MACROD2: variants seen among roughly 807,000 people sequenced by gnomAD.
The protein encoded by MACROD2 is ADP-ribose glycohydrolase MACROD2.
MACROD2 carries 36 observed loss-of-function variants against 70.4 expected under a neutral mutation model. That is an observed-to-expected ratio of 0.51 (90% CI 0.39 to 0.68). The LOEUF (loss-of-function observed/expected upper bound fraction) is 0.68. MACROD2 is among the 30% of genes least tolerant of loss of function. The probability of loss-of-function intolerance (pLI) is 0.00; values close to 1 mark genes in which losing one functional copy is unlikely to be tolerated. For synonymous variants in MACROD2, 172 were observed against 178.8 expected (o/e 0.96, Z 0.30); for missense variants, 496 against 538.4 (o/e 0.92, Z 0.78).
intron 5 of MACROD2, among the ~76,000 whole-genome samples, chr20:15,094,854 T>A (rs539704850): frequency 6.6e-6 from 1 of 152,244 alleles, no homozygotes; most frequent in Admixed American, 6.5e-5. Flanking sequence ...TTTGTGAAAT[T>A]AACATAGGGA....
chr20:14,908,327 C>A (rs984699923), intron 5 of MACROD2, among the ~76,000 whole-genome samples: 7 of 151,016 alleles, frequency 4.6e-5, no homozygotes, highest in Middle Eastern at 3.6e-3. Context: ...GGTGACCGAG[C>A]AAGACTCTAT....
intron 5 of MACROD2, among the ~76,000 whole-genome samples, chr20:14,918,578 A>G (rs1332159064): frequency 6.7e-6 from 1 of 149,006 alleles, no homozygotes; most frequent in Non-Finnish European, 1.5e-5. Context: ...ATCTGCAATC[A>G]TATCACATTA....
At chr20:15,880,249 G>A (rs1024151408) in intron 9 of MACROD2, among the ~76,000 whole-genome samples, 1 of 152,066 alleles carries the variant, frequency 6.6e-6, no homozygotes, top group African/African-American at 2.4e-5. Context: ...GATCGGGTTA[G>A]TTGCAATTTC....
At chr20:15,827,969 A>G (rs970373313) in intron 8 of MACROD2, among the ~76,000 whole-genome samples, 1 of 151,584 alleles carries the variant, frequency 6.6e-6, no homozygotes, top group African/African-American at 2.4e-5. Flanking sequence ...CCAGGTTAGA[A>G]CAGTTACCTT....
At chr20:15,529,744 A>G (rs1401879123) in intron 8 of MACROD2, among the ~76,000 whole-genome samples, 2 of 152,206 alleles carry the variant, frequency 1.3e-5, no homozygotes, top group Non-Finnish European at 2.9e-5. Flanking sequence ...TAAAACTCCT[A>G]ACTTGACTGA....
intron 5 of MACROD2, among the ~76,000 whole-genome samples, chr20:14,814,016 T>G (rs2072745840): frequency 6.6e-6 from 1 of 152,028 alleles, no homozygotes; most frequent in African/African-American, 2.4e-5. Flanking sequence ...CTCTTATCAC[T>G]CCAGAATTCC....
At chr20:15,535,723 C>T (rs899903187) in intron 8 of MACROD2, among the ~76,000 whole-genome samples, 3 of 152,196 alleles carry the variant, frequency 2.0e-5, no homozygotes, top group African/African-American at 4.8e-5. Flanking sequence ...TCCCGCGTCT[C>T]CCACCTCTGG....
chr20:14,874,444 G>A (rs2073526253), intron 5 of MACROD2, among the ~76,000 whole-genome samples: 2 of 150,242 alleles, frequency 1.3e-5, no homozygotes, highest in African/African-American at 2.4e-5. Context: ...TACCAAGGGA[G>A]AAAAGGTGAA....
intron 8 of MACROD2, among the ~76,000 whole-genome samples, chr20:15,566,823 T>C (rs1568897044): frequency 6.6e-6 from 1 of 152,220 alleles, no homozygotes; most frequent in Non-Finnish European, 1.5e-5. Flanking sequence ...CAAGTAGTTC[T>C]TTTCCAATTA....
intron 5 of MACROD2, among the ~76,000 whole-genome samples, chr20:15,162,381 T>C (rs1010969253): frequency 6.6e-6 from 1 of 151,988 alleles, no homozygotes; most frequent in Non-Finnish European, 1.5e-5. Flanking sequence ...TCTGAGATGT[T>C]TGCATAAAGT....
At chr20:15,986,258 C>A (rs976145883) in intron 13 of MACROD2, among the ~76,000 whole-genome samples, 50 of 152,100 alleles carry the variant, frequency 3.3e-4, no homozygotes, top group Admixed American at 2.0e-4. Flanking sequence ...AGCTGTTATC[C>A]CCCCAGTTCC....
chr20:14,087,950 A>G lies in MACROD2; in HGVS notation c.271+2222A>G, dbSNP rs144685282. On this transcript the variant is annotated intron_variant, in intron 3 of 17. Transcript: ENST00000684519. ...TAATCTTTTATATATATACACACAT[A>G]TAAATAAAAGATATATATACACACA... is the stretch of plus-strand genomic sequence containing the variant. Among the ~76,000 whole-genome samples, 1,077 of 152,228 alleles carry G rather than the reference A, an allele frequency of 7.1e-3. 12 individuals carry two copies. The highest frequency in any genetic ancestry group is 0.024 in the African/African-American group (1,005 of 41,552).
At chr20:14,779,314 T>C (rs2072270912) in intron 5 of MACROD2, among the ~76,000 whole-genome samples, 1 of 152,142 alleles carries the variant, frequency 6.6e-6, no homozygotes, top group Non-Finnish European at 1.5e-5. Flanking sequence ...GATTTTCTTC[T>C]CTCTTCTTAG....
At chr20:15,869,226 T>G (rs1302841124) in intron 9 of MACROD2, among the ~76,000 whole-genome samples, 13 of 49,360 alleles carry the variant, frequency 2.6e-4, no homozygotes, top group African/African-American at 6.2e-4. Flanking sequence ...TATATATATA[T>G]ATATATATAT....
chr20:15,852,469 C>T (rs1236014807), intron 8 of MACROD2, among the ~76,000 whole-genome samples: 1 of 152,160 alleles, frequency 6.6e-6, no homozygotes, highest in East Asian at 1.9e-4. Context: ...CCAATTCACC[C>T]AAACATCTCT....
chr20:16,021,382 G>A (rs1251023107), intron 15 of MACROD2, among the ~76,000 whole-genome samples: 1 of 152,168 alleles, frequency 6.6e-6, no homozygotes. Flanking sequence ...AGAGCACAGG[G>A]CTCACTGAGG....
chr20:14,855,985 T>C (rs2073251971), intron 5 of MACROD2, among the ~76,000 whole-genome samples: 1 of 37,652 alleles, frequency 2.7e-5, no homozygotes. Context: ...TGCAGCTTGT[T>C]ATTTAAAAGA....
intron 8 of MACROD2, among the ~76,000 whole-genome samples, chr20:15,704,664 C>T (rs2050506832): frequency 6.6e-6 from 1 of 152,080 alleles, no homozygotes; most frequent in African/African-American, 2.4e-5. Context: ...TGCTGAGGCT[C>T]CTGGTCCATG....
chr20:14,261,648 T>C (rs1342661674), intron 3 of MACROD2, among the ~76,000 whole-genome samples: 3 of 152,224 alleles, frequency 2.0e-5, no homozygotes, highest in Non-Finnish European at 2.9e-5. Flanking sequence ...GTATGTTGAA[T>C]GAGAACGTTA....
Sources: gnomAD v4.1 joint callset for allele counts (sites outside exome capture counted in the v4.1 genomes callset) on GRCh38, gnomAD v4.1.1 for gene constraint, MANE v1.5 for transcripts, NCBI Gene and HGNC (gene_info 2026-07-23, HGNC 2026-07-21) for gene names.